Variants in KLHL18 observed in about 807,000 individuals in gnomAD.
The protein encoded by KLHL18 is kelch like family member 18.
In KLHL18, 38 loss-of-function variants were observed where a neutral mutation model predicts 58.5. The observed-to-expected ratio is 0.65, with a 90% CI of 0.50 to 0.85. The LOEUF (loss-of-function observed/expected upper bound fraction) is 0.85. Among genes scored for constraint, KLHL18 ranks in the 40% least tolerant of loss-of-function variants. The pLI, the probability that KLHL18 is intolerant of heterozygous loss-of-function variation, is 0.00. For synonymous variants in KLHL18, 303 were observed against 301.9 expected, an observed-to-expected ratio of 1.00 and a Z score of -0.04; for missense variants, 624 against 778.4, an observed-to-expected ratio of 0.80 and a Z score of 2.36.
At chr3:47,343,500 T>C (rs1279065792) in intron 9 of KLHL18, 55 bp from the exon 10 acceptor site, 1 of 1,605,154 alleles carries the variant, frequency 6.2e-7, no homozygotes, top group Non-Finnish European at 8.5e-7. Context: ...GGTCACTCCA[T>C]GGACTGAGCT....
intron 1 of KLHL18, among the ~76,000 whole-genome samples, chr3:47,294,941 C>T (rs1702866257): frequency 6.6e-6 from 1 of 151,796 alleles, no homozygotes; most frequent in African/African-American, 2.4e-5. Flanking sequence ...CACACAGTGA[C>T]AATCAGAGGT....
chr3:47,324,981 C>T (rs1403992866), intron 3 of KLHL18, among the ~76,000 whole-genome samples: 1 of 152,210 alleles, frequency 6.6e-6, no homozygotes, highest in Non-Finnish European at 1.5e-5. Context: ...AGGACCCTTT[C>T]TGAGACCTAA....
chr3:47,304,523 AT>A, intron 1 of KLHL18, among the ~76,000 whole-genome samples: 1 of 152,300 alleles, frequency 6.6e-6, no homozygotes, highest in East Asian at 1.9e-4. Flanking sequence ...GGTTTGTTAG[AT>A]TTACACATAA....
chr3:47,322,018 T>A (rs747135663), intron 2 of KLHL18, among the ~76,000 whole-genome samples: 57 of 152,216 alleles, frequency 3.7e-4, no homozygotes, highest in Non-Finnish European at 6.9e-4. Flanking sequence ...AGCTGGAATT[T>A]GGATTTCATT....
Position 47,344,152 on chromosome 3 carries a change from A to G in KLHL18, c.*211A>G. On this transcript the variant is annotated 3_prime_UTR_variant, in exon 10 of 10. Transcript: ENST00000232766. ...GTCATCAAGATGCACAGCATGGAACACAAGCTCCTCTGGATCCTGCAGCTG... is the reference window on the plus strand; with the variant it reads ...GTCATCAAGATGCACAGCATGGAACGCAAGCTCCTCTGGATCCTGCAGCTG... 1.7e-6 allele frequency: 1 copy of G among 591,364 alleles called. No individual in the cohort carries two copies. Among genetic ancestry groups the G allele is most frequent in the Admixed American group, 3.2e-5 (1 of 31,200 alleles). 36.6% of individuals were successfully genotyped at this position (591,364 alleles called of 1,614,324 possible). A position where few individuals can be genotyped will look rare whatever the true frequency, so the allele number is the denominator to read the frequency against.
Position 47,334,405 on chromosome 3 carries a change from G to A in KLHL18, c.762-278G>A, listed in dbSNP as rs1245011296. 6.6e-6 allele frequency among the ~76,000 whole-genome samples: 1 copy of A among 152,118 alleles called. No individual in the cohort carries two copies. The highest frequency in any genetic ancestry group is 2.4e-5 in the African/African-American group (1 of 41,414). On this transcript the variant is annotated intron_variant, in intron 5 of 9. Transcript: ENST00000232766. The surrounding 1 kb of genome is among the most constrained non-coding windows in gnomAD (Gnocchi z 4.7). ...TGCATGCTGCTTGTCGAAACTCCCA[G>A]GTCCAGCCATTTTGGCCACTACCTT...
chr3:47,310,369 C>T (rs558417081), intron 1 of KLHL18, among the ~76,000 whole-genome samples: 55 of 152,328 alleles, frequency 3.6e-4, no homozygotes, highest in Middle Eastern at 3.4e-3. Flanking sequence ...CATTTCCTTT[C>T]TGTGTACCTC....
intron 1 of KLHL18, among the ~76,000 whole-genome samples, chr3:47,299,929 A>C (rs2107593205): frequency 6.6e-6 from 1 of 151,574 alleles, no homozygotes. Context: ...TCAAGACTGT[A>C]ACATCAAACC....
At chr3:47,290,269 C>T (rs1702763404) in intron 1 of KLHL18, among the ~76,000 whole-genome samples, 1 of 152,188 alleles carries the variant, frequency 6.6e-6, no homozygotes, top group South Asian at 2.1e-4. Flanking sequence ...GATGCCACAC[C>T]AACATTTTAT....
In KLHL18 at chr3:47,343,763, G is replaced by A. The variant is rs1339487531; in HGVS notation, c.1547G>A (p.Arg516Gln). ...LIVPMHTRRS[R>Q]VSLVASCGRL... The stretch of plus-strand genomic sequence containing the variant: ...GTCCCCATGCACACGCGCAGGAGCC[G>A]GGTCTCCCTGGTGGCCAGCTGTGGG... The change falls in exon 10 of 10, where the codon CGG becomes CAG. Residue 516 changes from arginine (R) to glutamine (Q), a missense_variant. Transcript: ENST00000232766. 5 of 1,614,094 alleles carry A rather than the reference G, an allele frequency of 3.1e-6. No homozygotes were observed. The highest frequency in any genetic ancestry group is 4.2e-6 in the Non-Finnish European group (5 of 1,180,048).
chr3:47,296,053 C>G (rs1460735160), intron 1 of KLHL18, among the ~76,000 whole-genome samples: 1 of 152,204 alleles, frequency 6.6e-6, no homozygotes, highest in East Asian at 1.9e-4. Context: ...TGTCATTGGA[C>G]TAATAGCGTC....
chr3:47,310,065 A>G (rs1456947727), intron 1 of KLHL18, among the ~76,000 whole-genome samples: 1 of 152,220 alleles, frequency 6.6e-6, no homozygotes, highest in Non-Finnish European at 1.5e-5. Context: ...AGGTAGGAAC[A>G]GTAGTATCAA....
In KLHL18 at chr3:47,344,160, C is replaced by T; in HGVS notation, c.*219C>T. The T allele has an allele frequency of 3.4e-6, 2 of 580,688 alleles. No homozygotes were observed. The highest frequency in any genetic ancestry group is 6.0e-6 in the Non-Finnish European group (2 of 333,910). The allele number at this position is 580,688 out of a possible 1,614,324, so 36.0% of individuals were successfully genotyped here. On this transcript the variant is annotated 3_prime_UTR_variant, in exon 10 of 10. Transcript: ENST00000232766. Reference sequence around the variant, plus strand: ...GATGCACAGCATGGAACACAAGCTCCTCTGGATCCTGCAGCTGGTGACATG... The same window carrying T: ...GATGCACAGCATGGAACACAAGCTCTTCTGGATCCTGCAGCTGGTGACATG...
At chr3:47,292,933 T>C (rs1190226825) in intron 1 of KLHL18, among the ~76,000 whole-genome samples, 2 of 147,678 alleles carry the variant, frequency 1.4e-5, no homozygotes, top group Admixed American at 1.3e-4. Context: ...AGTATATACA[T>C]ACAGTGAAAT....
At chr3:47,297,029 A>G (rs907452433) in intron 1 of KLHL18, among the ~76,000 whole-genome samples, 1 of 152,174 alleles carries the variant, frequency 6.6e-6, no homozygotes, top group Non-Finnish European at 1.5e-5. Flanking sequence ...GTTTAGAAGA[A>G]GTGGGAAGCA....
At chr3:47,294,391 A>C (rs295442) in intron 1 of KLHL18, among the ~76,000 whole-genome samples, 87,920 of 151,946 alleles carry the variant, frequency 0.58, 25,551 homozygotes, top group Non-Finnish European at 0.6. Flanking sequence ...AGTAGCAGAC[A>C]ATAAACAGAT....
intron 1 of KLHL18, among the ~76,000 whole-genome samples, chr3:47,308,807 GTTTCTCGCAGAGGGGGA>G (rs1703212513): frequency 6.7e-6 from 1 of 150,066 alleles, no homozygotes; most frequent in African/African-American, 2.5e-5. Context: ...ATTCTTGGGT[GTTTCTCGCAGAGGGGGA>G]TTTGGCAGGG....
intron 2 of KLHL18, among the ~76,000 whole-genome samples, chr3:47,320,507 T>A (rs1034796631): frequency 2.0e-5 from 3 of 152,170 alleles, no homozygotes; most frequent in Non-Finnish European, 4.4e-5. Context: ...GCCCAACCTC[T>A]TAATCTGACA....
intron 1 of KLHL18, among the ~76,000 whole-genome samples, chr3:47,283,747 G>C (rs1322544315): frequency 6.6e-6 from 1 of 152,180 alleles, no homozygotes; most frequent in African/African-American, 2.4e-5. Flanking sequence ...TTAACCACCT[G>C]TTCCCCACCA....
Sources: gnomAD v4.1 joint callset for allele counts (sites outside exome capture counted in the v4.1 genomes callset) on GRCh38, gnomAD v4.1.1 for gene constraint, Gnocchi (gnomAD v3.1) non-coding constraint, MANE v1.5 for transcripts, NCBI Gene and HGNC (gene_info 2026-07-23, HGNC 2026-07-21) for gene names.